Variants in HS3ST4 observed in about 807,000 individuals in gnomAD.
HS3ST4 encodes the protein heparan sulfate glucosamine 3-O-sulfotransferase 4.
Under a neutral mutation model 29.2 loss-of-function variants are expected in HS3ST4, and 17 were observed. That is an observed-to-expected ratio of 0.58 (90% CI 0.40 to 0.87). The LOEUF (loss-of-function observed/expected upper bound fraction) is 0.87. HS3ST4 is among the 40% of genes least tolerant of loss of function. The probability of loss-of-function intolerance (pLI) is 0.00; values close to 1 mark genes in which losing one functional copy is unlikely to be tolerated. For synonymous variants in HS3ST4, 314 were observed against 285.7 expected, an observed-to-expected ratio of 1.10 and a Z score of -1.00; for missense variants, 627 against 634.5, an observed-to-expected ratio of 0.99 and a Z score of 0.13.
At position 25,692,789 on chromosome 16, in the gene HS3ST4, C is replaced by G; in HGVS notation, c.372C>G (p.Asp124Glu). The change falls in exon 1 of 2, where the codon GAC (aspartate) becomes GAG (glutamate). Residue 124 changes from aspartate to glutamate, a missense_variant. By Grantham distance (45) the Asp-to-Glu change is conservative. Coordinates refer to ENST00000331351, the MANE Select transcript of HS3ST4 (RefSeq NM_006040.3). ...PPEQPAAPGT[D>E]GWGLPSGGGG... Reference sequence around the variant, plus strand: ...AGCAGCCAGCCGCCCCCGGGACCGACGGCTGGGGGCTGCCGAGCGGCGGCG... The same window carrying G: ...AGCAGCCAGCCGCCCCCGGGACCGAGGGCTGGGGGCTGCCGAGCGGCGGCG... 1 of 1,366,138 alleles carries G rather than the reference C, an allele frequency of 7.3e-7. No individual in the cohort carries two copies. The highest frequency in any genetic ancestry group is 9.4e-7 in the Non-Finnish European group (1 of 1,069,420). 84.6% of individuals were successfully genotyped at this position (1,366,138 alleles called of 1,614,324 possible).
intron 1 of HS3ST4, among the ~76,000 whole-genome samples, chr16:26,047,014 A>C (rs1416205466): frequency 6.6e-6 from 1 of 152,232 alleles, no homozygotes; most frequent in East Asian, 1.9e-4. Context: ...AAATAAAAAA[A>C]AAGAGTAAAA....
At chr16:26,056,532 G>C (rs138181278) in intron 1 of HS3ST4, among the ~76,000 whole-genome samples, 131 of 152,332 alleles carry the variant, frequency 8.6e-4, no homozygotes, top group African/African-American at 3.0e-3. Context: ...CCATTGCAAG[G>C]CAGCAAAGCT....
chr16:26,072,725 T>A (rs1428155768), intron 1 of HS3ST4, among the ~76,000 whole-genome samples: 1 of 152,244 alleles, frequency 6.6e-6, no homozygotes, highest in Non-Finnish European at 1.5e-5. Flanking sequence ...TATTTTATGA[T>A]AAGATCCTAG....
chr16:25,959,257 G>A (rs1256273565), intron 1 of HS3ST4, among the ~76,000 whole-genome samples: 2 of 152,186 alleles, frequency 1.3e-5, no homozygotes, highest in Non-Finnish European at 2.9e-5. Context: ...GTTGCCGAAA[G>A]TTGGGTCTGA....
chr16:26,055,218 G>A (rs1382270521), intron 1 of HS3ST4, among the ~76,000 whole-genome samples: 1 of 151,880 alleles, frequency 6.6e-6, no homozygotes, highest in Non-Finnish European at 1.5e-5. Context: ...CACAGGATTT[G>A]AAGTTAGACT....
chr16:25,718,918 A>G (rs990122334), intron 1 of HS3ST4, among the ~76,000 whole-genome samples: 1 of 152,204 alleles, frequency 6.6e-6, no homozygotes, highest in African/African-American at 2.4e-5. Context: ...GAGAATATAG[A>G]AAGATGAGCT....
intron 1 of HS3ST4, among the ~76,000 whole-genome samples, chr16:26,133,659 C>T (rs903250654): frequency 1.1e-4 from 16 of 152,114 alleles, no homozygotes; most frequent in Admixed American, 2.0e-4. Flanking sequence ...AAGTGCTTGC[C>T]GAGATAGCTC....
chr16:26,102,315 ATCCCT>A (rs1898999656), intron 1 of HS3ST4, among the ~76,000 whole-genome samples: 1 of 151,840 alleles, frequency 6.6e-6, no homozygotes, highest in Admixed American at 6.6e-5. Flanking sequence ...TTCACCCATG[ATCCCT>A]ACTTCTGATA....
intron 1 of HS3ST4, among the ~76,000 whole-genome samples, chr16:25,932,727 T>C (rs1457289525): frequency 8.5e-5 from 13 of 152,238 alleles, no homozygotes; most frequent in Admixed American, 8.5e-4. Context: ...AAGAGGTGCT[T>C]ACTGCTATCA....
chr16:26,078,938 G>T (rs1305475692), intron 1 of HS3ST4, among the ~76,000 whole-genome samples: 2 of 152,224 alleles, frequency 1.3e-5, no homozygotes, highest in Admixed American at 6.5e-5. Context: ...GACAGTGTTT[G>T]TCTTGTAGAA....
In HS3ST4 at chr16:25,709,708, AAG is replaced by A. The variant is rs749293394; in HGVS notation, c.734+16566_734+16567del. On this transcript the variant is annotated intron_variant, in intron 1 of 1. Transcript: ENST00000331351. ...AGGGGAAGAATGGAAGGAAGAGAAG[AAG>A]AGAGAGAGGGAGGCAATGCAGGAAA... Among the ~76,000 whole-genome samples, 6 of 152,092 alleles carry A rather than the reference AAG, an allele frequency of 3.9e-5. No homozygotes were observed. The East Asian group carries it at 9.7e-4, about 25-fold the overall frequency.
intron 1 of HS3ST4, among the ~76,000 whole-genome samples, chr16:25,733,410 A>G (rs1966585394): frequency 1.3e-5 from 2 of 152,128 alleles, no homozygotes; most frequent in South Asian, 4.2e-4. Context: ...CTCTGTATTC[A>G]GGTCTGTGGC....
At chr16:26,058,632 G>A (rs527395747) in intron 1 of HS3ST4, among the ~76,000 whole-genome samples, 31 of 152,222 alleles carry the variant, frequency 2.0e-4, no homozygotes, top group Non-Finnish European at 4.1e-4. Flanking sequence ...CTGAATTTCC[G>A]CTGCACCCTC....
chr16:26,047,967 T>C (rs1344325570), intron 1 of HS3ST4, among the ~76,000 whole-genome samples: 1 of 152,142 alleles, frequency 6.6e-6, no homozygotes, highest in Non-Finnish European at 1.5e-5. Context: ...TGACTCCTGC[T>C]CCAACCAGAT....
At chr16:26,012,811 T>G (rs543444992) in intron 1 of HS3ST4, among the ~76,000 whole-genome samples, 1 of 152,164 alleles carries the variant, frequency 6.6e-6, no homozygotes, top group African/African-American at 2.4e-5. Flanking sequence ...ACAGTAAAAG[T>G]TCAGTTGTAT....
chr16:25,801,267 G>A (rs1161234392), intron 1 of HS3ST4, among the ~76,000 whole-genome samples: 1 of 152,070 alleles, frequency 6.6e-6, no homozygotes, highest in Non-Finnish European at 1.5e-5. Context: ...ACCTATGCTG[G>A]TATGCAACAT....
Position 25,732,840 on chromosome 16 carries a change from C to A in HS3ST4, c.734+39689C>A, listed in dbSNP as rs150713997. ...TGGGACTTCGGACATGTCGCCCAAT[C>A]GGTCGCAATAGTTCCTCCTTCTTAG... On this transcript the variant is annotated intron_variant, in intron 1 of 1. Transcript: ENST00000331351. 6.5e-3 allele frequency among the ~76,000 whole-genome samples: 993 copies of A among 152,268 alleles called. 5 individuals are homozygous for A. The highest frequency in any genetic ancestry group is 0.014 in the Middle Eastern group (4 of 294).
intron 1 of HS3ST4, among the ~76,000 whole-genome samples, chr16:25,747,927 C>T (rs183966971): frequency 4.6e-5 from 7 of 152,210 alleles, no homozygotes; most frequent in African/African-American, 1.7e-4. Context: ...GGTGTGTGCT[C>T]CTGAAATGTT....
intron 1 of HS3ST4, among the ~76,000 whole-genome samples, chr16:25,987,784 T>C (rs1969078248): frequency 6.6e-6 from 1 of 152,184 alleles, no homozygotes. Context: ...TGATTTTTTT[T>C]TTTGAGGCGG....
Sources: allele counts gnomAD v4.1 joint callset (sites outside exome capture counted in the v4.1 genomes callset), GRCh38; gene constraint gnomAD v4.1.1; transcripts MANE v1.5; gene names NCBI Gene and HGNC (gene_info 2026-07-23, HGNC 2026-07-21).